Variants in NBEAL1 observed in about 807,000 individuals in gnomAD.
The protein encoded by NBEAL1 is neurobeachin like 1.
NBEAL1 carries 273 observed loss-of-function variants against 351.3 expected under a neutral mutation model. The observed-to-expected ratio is 0.78, with a 90% CI of 0.70 to 0.86. The LOEUF (loss-of-function observed/expected upper bound fraction) is 0.86, where lower values mean the gene tolerates loss of function less well. NBEAL1 is among the 40% of genes least tolerant of loss of function. The probability of loss-of-function intolerance (pLI) is 0.00; values close to 1 mark genes in which losing one functional copy is unlikely to be tolerated. For synonymous variants in NBEAL1, 1,050 were observed against 1,086.4 expected (o/e 0.97, Z 0.66); for missense variants, 2,961 against 3,201.3 (o/e 0.92, Z 1.81).
chr2:203,026,284 C>T (rs1008682490), intron 2 of NBEAL1, among the ~76,000 whole-genome samples: 1 of 151,968 alleles, frequency 6.6e-6, no homozygotes, highest in Non-Finnish European at 1.5e-5. Context: ...TTACCTTATT[C>T]ATTTTTTTCT....
At chr2:203,082,762 A>C (rs1457179052) in intron 8 of NBEAL1, among the ~76,000 whole-genome samples, 3 of 152,200 alleles carry the variant, frequency 2.0e-5, no homozygotes, top group Non-Finnish European at 2.9e-5. Flanking sequence ...CAGCAACTCA[A>C]TAAGAACATC....
intron 42 of NBEAL1, among the ~76,000 whole-genome samples, chr2:203,177,019 T>C (rs1284233615): frequency 6.6e-6 from 1 of 151,154 alleles, no homozygotes; most frequent in Non-Finnish European, 1.5e-5. Flanking sequence ...GGTGTGGTGG[T>C]GTGCACCTGT....
chr2:203,172,081 T>G (rs2064336787), intron 40 of NBEAL1, 58 bp downstream of exon 40: 1 of 954,846 alleles, frequency 1.0e-6, no homozygotes, highest in Non-Finnish European at 1.6e-6. Context: ...ATAAATCACA[T>G]AAGTATATAC....
intron 31 of NBEAL1, among the ~76,000 whole-genome samples, chr2:203,141,363 A>ATTAT (rs1428899138): frequency 5.7e-5 from 1 of 17,484 alleles, no homozygotes; most frequent in Admixed American, 8.5e-4. Context: ...TATTATTATT[A>ATTAT]TTATTTTTTT....
intron 7 of NBEAL1, among the ~76,000 whole-genome samples, chr2:203,069,037 G>C (rs1313394694): frequency 1.3e-5 from 2 of 152,066 alleles, no homozygotes; most frequent in Non-Finnish European, 2.9e-5. Context: ...GCCACTGGTG[G>C]TATATTTTAG....
At position 203,166,056 on chromosome 2, in the gene NBEAL1, A is replaced by G. The variant is rs1045512881; in HGVS notation, c.5715-93A>G. The G allele has an allele frequency of 4.1e-6, 5 of 1,232,598 alleles. No individual in the cohort carries two copies. The East Asian group carries it at 1.4e-4, about 35-fold the overall frequency. The allele number at this position is 1,232,598 out of a possible 1,614,324, so 76.4% of individuals were successfully genotyped here. On this transcript the variant is annotated intron_variant, in intron 36 of 55. Coordinates refer to ENST00000683969, the MANE Select transcript of NBEAL1 (RefSeq NM_001378026.1). ...CAAGACCTTGTCTCAAAAAAAAGAA[A>G]AAAAAGAGATTATATTTAAATGTGG...
At chr2:203,140,169 G>A (rs1203416186) in intron 31 of NBEAL1, among the ~76,000 whole-genome samples, 1 of 151,986 alleles carries the variant, frequency 6.6e-6, no homozygotes, top group African/African-American at 2.4e-5. Flanking sequence ...CGGGCGTGCT[G>A]GCGCATGCCT....
chr2:203,195,151 G>A (rs574429846), intron 47 of NBEAL1, among the ~76,000 whole-genome samples: 26 of 150,444 alleles, frequency 1.7e-4, no homozygotes, highest in African/African-American at 6.1e-4. Context: ...CCGAGATCAC[G>A]CCACTGCACT....
chr2:203,188,569 T>C lies in NBEAL1; in HGVS notation c.6803T>C (p.Phe2268Ser). 6.3e-7 allele frequency: 1 copy of C among 1,599,256 alleles called. No individual in the cohort carries two copies. The highest frequency in any genetic ancestry group is 1.3e-5 in the African/African-American group (1 of 74,728). Residue 2268 changes from phenylalanine (F) to serine (S), a missense_variant, in exon 45 of 56, where the codon TTC (phenylalanine) becomes TCC (serine). Physicochemically the swap from Phe to Ser is radical, Grantham distance 155. Coordinates refer to ENST00000683969, the MANE Select transcript of NBEAL1 (RefSeq NM_001378026.1). ...GCTGCAGTAGAGGCACTCAACGTTT[T>C]CTATTATTGTAGTTATGAAGGTATA... ...GPAAVEALNV[F>S]YYCSYEGAVD...
At chr2:203,200,850 GT>G (rs761836759) in intron 49 of NBEAL1, among the ~76,000 whole-genome samples, 3 of 151,926 alleles carry the variant, frequency 2.0e-5, no homozygotes, top group East Asian at 1.9e-4. Flanking sequence ...TAAGGAAAAT[GT>G]TTTTTTTCCT....
chr2:203,104,839 ATT>A (rs2106223506), intron 12 of NBEAL1, among the ~76,000 whole-genome samples: 1 of 151,604 alleles, frequency 6.6e-6, no homozygotes, highest in African/African-American at 2.4e-5. Flanking sequence ...ATTCTTTGGA[ATT>A]TCTTTTTTTT....
chr2:203,015,195 GGCA>G (rs1288793223), intron 1 of NBEAL1, among the ~76,000 whole-genome samples: 2 of 152,186 alleles, frequency 1.3e-5, no homozygotes, highest in African/African-American at 4.8e-5. Flanking sequence ...AGCTTCTCTT[GGCA>G]GCTCGGCACA....
intron 36 of NBEAL1, among the ~76,000 whole-genome samples, chr2:203,159,691 T>C (rs1305012589): frequency 6.6e-6 from 1 of 152,220 alleles, no homozygotes; most frequent in African/African-American, 2.4e-5. Flanking sequence ...AGTACTTCCA[T>C]GAATATTCAG....
In NBEAL1 at chr2:203,016,294, G is replaced by A; in HGVS notation, c.-91G>A. The stretch of plus-strand genomic sequence containing the variant: ...TTTACTGCTATGAGCTTTACTGAAC[G>A]GCTGAAAAACTTGGAAAATAAAATG... On this transcript the variant is annotated 5_prime_UTR_variant, in exon 2 of 56. Coordinates refer to ENST00000683969, the MANE Select transcript of NBEAL1 (RefSeq NM_001378026.1). The A allele has an allele frequency of 2.3e-6, 2 of 878,042 alleles. No homozygotes were observed. The highest frequency in any genetic ancestry group is 1.7e-5 in the African/African-American group (1 of 59,068). The allele number at this position is 878,042 out of a possible 1,614,324, so 54.4% of individuals were successfully genotyped here. A position where few individuals can be genotyped will look rare whatever the true frequency, so the allele number is the denominator to read the frequency against.
In NBEAL1 at chr2:203,083,501, A is replaced by G. The variant is rs1454668000; in HGVS notation, c.967A>G (p.Ile323Val). ...RRSRQWENRFIALQIKMLNTI... is the reference protein window; with the variant it reads ...RRSRQWENRFVALQIKMLNTI... ...GTCCAGACAGTGGGAAAACCGATTT[A>G]TTGCTCTACAGATCAAAATGCTGAG... Residue 323 changes from isoleucine to valine, a missense_variant, in exon 9 of 56, where the codon ATT becomes GTT. Coordinates refer to ENST00000683969, the MANE Select transcript of NBEAL1 (RefSeq NM_001378026.1). 6.5e-7 allele frequency: 1 copy of G among 1,547,710 alleles called. No homozygotes were observed. The highest frequency in any genetic ancestry group is 1.2e-5 in the South Asian group (1 of 83,410).
intron 4 of NBEAL1, among the ~76,000 whole-genome samples, chr2:203,054,016 T>C (rs1210494419): frequency 1.3e-5 from 2 of 151,856 alleles, no homozygotes; most frequent in East Asian, 3.9e-4. Context: ...ACTGACATGA[T>C]CATGGCTCAC....
chr2:203,106,632 A>G (rs1209445470), intron 12 of NBEAL1, among the ~76,000 whole-genome samples: 1 of 152,062 alleles, frequency 6.6e-6, no homozygotes, highest in Admixed American at 6.5e-5. Flanking sequence ...TGGCATGTTT[A>G]AAATTCAAAA....
At chr2:203,131,376 T>G (rs1231047789) in intron 25 of NBEAL1, among the ~76,000 whole-genome samples, 1 of 152,078 alleles carries the variant, frequency 6.6e-6, no homozygotes, top group African/African-American at 2.4e-5. Context: ...TCACCACACC[T>G]GGCTAATTTT....
At chr2:203,103,529 C>T (rs1361369578) in intron 12 of NBEAL1, among the ~76,000 whole-genome samples, 1 of 152,212 alleles carries the variant, frequency 6.6e-6, no homozygotes, top group Non-Finnish European at 1.5e-5. Context: ...GCCTCAGCCT[C>T]CCAAAGTGCT....
Sources: gnomAD v4.1 joint callset for allele counts (sites outside exome capture counted in the v4.1 genomes callset) on GRCh38, gnomAD v4.1.1 for gene constraint, MANE v1.5 for transcripts, NCBI Gene and HGNC (gene_info 2026-07-23, HGNC 2026-07-21) for gene names.